Variants in MAGI2 observed in about 807,000 individuals in gnomAD.
MAGI2 encodes membrane associated guanylate kinase, WW and PDZ domain containing 2.
Under a neutral mutation model 133.3 loss-of-function variants are expected in MAGI2, and 35 were observed. The observed-to-expected ratio is 0.26, with a 90% CI of 0.20 to 0.35. MAGI2 has a LOEUF of 0.35. Among genes scored for constraint, MAGI2 ranks in the 10% least tolerant of loss-of-function variants. MAGI2 has a pLI of 1.00. For synonymous variants in MAGI2, 729 were observed against 710.6 expected (o/e 1.03, Z -0.41); for missense variants, 1,636 against 1,863.4 (o/e 0.88, Z 2.25).
chr7:78,787,694 A>G (rs1260262532), intron 2 of MAGI2, among the ~76,000 whole-genome samples: 1 of 152,228 alleles, frequency 6.6e-6, no homozygotes, highest in Non-Finnish European at 1.5e-5. Context: ...CTTAGTAAGA[A>G]TTAGCTTTGT....
rs117282774 is a variant in MAGI2, at chr7:78,302,585, G to C, written c.1408+41193C>G. ...ACTTTATTACAAACGAATATAAACA[G>C]CTTCATCTGGGATCTTATGGCTGCC... is the stretch of plus-strand genomic sequence containing the variant. On this transcript the variant is annotated intron_variant, in intron 9 of 21. Coordinates refer to ENST00000354212, the MANE Select transcript of MAGI2 (RefSeq NM_012301.4). 9.2e-3 allele frequency among the ~76,000 whole-genome samples: 1,402 copies of C among 152,292 alleles called. 10 individuals carry two copies. Among genetic ancestry groups the C allele is most frequent in the Non-Finnish European group, 0.014 (959 of 68,020 alleles).
intron 1 of MAGI2, among the ~76,000 whole-genome samples, chr7:79,082,237 T>A (rs1466963726): frequency 6.6e-6 from 1 of 152,116 alleles, no homozygotes; most frequent in Non-Finnish European, 1.5e-5. Context: ...ATCATGTATA[T>A]CTATCTTTTC....
intron 11 of MAGI2, among the ~76,000 whole-genome samples, chr7:78,200,746 T>C (rs1584367407): frequency 6.6e-6 from 1 of 152,102 alleles, no homozygotes; most frequent in East Asian, 1.9e-4. Flanking sequence ...AATATAAATA[T>C]ATACAGAGTT....
intron 9 of MAGI2, among the ~76,000 whole-genome samples, chr7:78,287,418 G>GC (rs1796252888): frequency 1.3e-5 from 2 of 152,260 alleles, no homozygotes; most frequent in South Asian, 4.1e-4. Flanking sequence ...CGTCTGATAT[G>GC]TAGTAGGAAA....
chr7:78,977,870 C>G (rs1183992739), intron 2 of MAGI2, among the ~76,000 whole-genome samples: 1 of 151,700 alleles, frequency 6.6e-6, no homozygotes, highest in Non-Finnish European at 1.5e-5. Context: ...CAATAAAAAA[C>G]AGGCAAAACA....
At chr7:78,617,279 G>A (rs537170886) in intron 3 of MAGI2, 11 of 152,218 alleles carry the variant, frequency 7.2e-5, no homozygotes, top group African/African-American at 2.6e-4. Flanking sequence ...TGAAGACAGT[G>A]TAAGTCAAAC....
chr7:79,266,692 A>G (rs551477814), intron 1 of MAGI2, among the ~76,000 whole-genome samples: 1 of 152,274 alleles, frequency 6.6e-6, no homozygotes, highest in South Asian at 2.1e-4. Flanking sequence ...CTCCTTGTAA[A>G]ATTAAACTGC....
In MAGI2 at chr7:78,135,008, C is replaced by T. The variant is rs775576506; in HGVS notation, c.3031+13G>A. 10 of 1,612,304 alleles carry T rather than the reference C, an allele frequency of 6.2e-6. No homozygotes were observed. The highest frequency in any genetic ancestry group is 8.5e-6 in the Non-Finnish European group (10 of 1,179,118). ...GTTGGCCGCCTCTCTGCAAGGCTGC[C>T]TCAGGCACTCACCCTCCTGAGGAAT... On this transcript the variant is annotated intron_variant, in intron 17 of 21. Transcript: ENST00000354212.
At chr7:79,438,243 G>A (rs372183560) in intron 1 of MAGI2, among the ~76,000 whole-genome samples, 3 of 152,162 alleles carry the variant, frequency 2.0e-5, no homozygotes, top group Non-Finnish European at 2.9e-5. Context: ...ACGAGCCGGC[G>A]CTCATTATTC....
At chr7:78,684,824 A>G (rs1378863863) in intron 2 of MAGI2, among the ~76,000 whole-genome samples, 1 of 152,204 alleles carries the variant, frequency 6.6e-6, no homozygotes, top group Non-Finnish European at 1.5e-5. Context: ...ACACGTATAC[A>G]AAATTATTCA....
chr7:78,310,540 T>C (rs1308440952), intron 9 of MAGI2, among the ~76,000 whole-genome samples: 1 of 152,322 alleles, frequency 6.6e-6, no homozygotes, highest in South Asian at 2.1e-4. Context: ...CTTGAGTAGA[T>C]GAACACTAAG....
At chr7:78,843,140 C>T (rs935113876) in intron 2 of MAGI2, among the ~76,000 whole-genome samples, 8 of 151,870 alleles carry the variant, frequency 5.3e-5, no homozygotes, top group Admixed American at 5.3e-4. Flanking sequence ...AGCTACGTCC[C>T]TGGCCTCTAT....
intron 17 of MAGI2, chr7:78,134,658 AT>A (rs576268644): frequency 4.4e-4 from 75 of 171,698 alleles, no homozygotes; most frequent in South Asian, 8.3e-4. Flanking sequence ...GTTAACATAA[AT>A]TTTTTTTTTC....
intron 5 of MAGI2, among the ~76,000 whole-genome samples, chr7:78,501,245 G>A (rs1293443204): frequency 9.9e-5 from 15 of 152,074 alleles, no homozygotes; most frequent in Admixed American, 9.8e-4. Flanking sequence ...GACAAGACGG[G>A]GGTCTTAGGA....
intron 1 of MAGI2, among the ~76,000 whole-genome samples, chr7:79,033,273 A>G (rs1160231717): frequency 1.3e-5 from 2 of 152,348 alleles, no homozygotes; most frequent in African/African-American, 4.8e-5. Flanking sequence ...TGATCCAAGC[A>G]AGATATATAG....
intron 1 of MAGI2, among the ~76,000 whole-genome samples, chr7:79,118,691 C>T (rs995450652): frequency 3.9e-5 from 6 of 152,012 alleles, no homozygotes; most frequent in Admixed American, 2.0e-4. Flanking sequence ...CTCAGAAATC[C>T]AAGGCCTTTT....
At chr7:79,037,297 G>T (rs1026639069) in intron 1 of MAGI2, among the ~76,000 whole-genome samples, 1 of 152,056 alleles carries the variant, frequency 6.6e-6, no homozygotes, top group Non-Finnish European at 1.5e-5. Context: ...TATTTCAGGG[G>T]CCCTTATGAC....
intron 2 of MAGI2, among the ~76,000 whole-genome samples, chr7:78,931,035 A>G (rs1256822382): frequency 1.3e-5 from 2 of 152,112 alleles, no homozygotes; most frequent in African/African-American, 2.4e-5. Flanking sequence ...AAAAAAAGTG[A>G]TCATGAAGAA....
chr7:78,023,303 G>T (rs923461689), intron 21 of MAGI2, among the ~76,000 whole-genome samples: 8 of 152,142 alleles, frequency 5.3e-5, no homozygotes, highest in Non-Finnish European at 1.2e-4. Flanking sequence ...GTTCAATTTA[G>T]TTCTGCTTCC....
Sources: allele counts gnomAD v4.1 joint callset (sites outside exome capture counted in the v4.1 genomes callset), GRCh38; gene constraint gnomAD v4.1.1; transcripts MANE v1.5; gene names NCBI Gene and HGNC (gene_info 2026-07-23, HGNC 2026-07-21).